VPS35L: variants seen among roughly 807,000 people sequenced by gnomAD.
VPS35L encodes VPS35 endosomal protein sorting factor like, also known as VPS35 endosomal protein-sorting factor-like.
Under a neutral mutation model 133.0 loss-of-function variants are expected in VPS35L, and 83 were observed. That is an observed-to-expected ratio of 0.62 (90% CI 0.52 to 0.75). The LOEUF (loss-of-function observed/expected upper bound fraction) is 0.75, where lower values mean the gene tolerates loss of function less well. VPS35L is among the 30% of genes least tolerant of loss of function. The pLI, the probability that VPS35L is intolerant of heterozygous loss-of-function variation, is 0.00. For synonymous variants in VPS35L, 423 were observed against 449.9 expected (o/e 0.94, Z 0.76); for missense variants, 1,083 against 1,206.8 (o/e 0.90, Z 1.52).
In VPS35L at chr16:19,700,621, T is replaced by C; in HGVS notation, c.*145T>C. Reference sequence around the variant, plus strand: ...ACAAATTGTTTTAAGCTTTGGCCTCTATCCAGGTTATTCTGACAATGAAGA... The same window carrying C: ...ACAAATTGTTTTAAGCTTTGGCCTCCATCCAGGTTATTCTGACAATGAAGA... On this transcript the variant is annotated 3_prime_UTR_variant, in exon 31 of 31. Transcript: ENST00000417362. 1 of 653,348 alleles carries C rather than the reference T, an allele frequency of 1.5e-6. No homozygotes were observed. The highest frequency in any genetic ancestry group is 2.9e-5 in the Admixed American group (1 of 34,130). 40.5% of individuals were successfully genotyped at this position (653,348 alleles called of 1,614,324 possible).
At chr16:19,585,557 A>G (rs2151521621) in intron 7 of VPS35L, among the ~76,000 whole-genome samples, 1 of 151,524 alleles carries the variant, frequency 6.6e-6, no homozygotes, top group Non-Finnish European at 1.5e-5. Context: ...GGCCACAACC[A>G]TGCCCAGTTT....
intron 26 of VPS35L, among the ~76,000 whole-genome samples, chr16:19,665,791 C>T (rs1974644380): frequency 6.6e-6 from 1 of 152,204 alleles, no homozygotes. Flanking sequence ...TTAACATTTG[C>T]ACCAGCAGTG....
At chr16:19,647,939 A>C (rs1974004404) in intron 24 of VPS35L, 57 bp downstream of exon 24, 1 of 1,388,040 alleles carries the variant, frequency 7.2e-7, no homozygotes, top group South Asian at 1.2e-5. Context: ...GATCATCTAC[A>C]TCCCAATCAT....
chr16:19,608,280 C>CCT lies in VPS35L; in HGVS notation c.881+6_881+7insCT. On this transcript the variant is annotated splice_region_variant and intron_variant, in intron 10 of 30. Transcript: ENST00000417362. Reference sequence around the variant, plus strand: ...AGGGAACTCATTCCAAGATTGTATCCTTTTTTTTTTTTTTGGTCTGATGAT... The same window carrying CCT: ...AGGGAACTCATTCCAAGATTGTATCCCTTTTTTTTTTTTTTTGGTCTGATGAT... 7.2e-7 allele frequency: 1 copy of CCT among 1,386,674 alleles called. No individual in the cohort carries two copies. 85.9% of individuals were successfully genotyped at this position (1,386,674 alleles called of 1,614,324 possible). A position where few individuals can be genotyped will look rare whatever the true frequency, so the allele number is the denominator to read the frequency against.
chr16:19,569,193 A>G, intron 2 of VPS35L: 1 of 687,586 alleles, frequency 1.5e-6, no homozygotes, highest in Non-Finnish European at 2.6e-6. Context: ...CTCTCAATTA[A>G]TTTTTTTAAC....
At chr16:19,650,298 A>T in intron 24 of VPS35L, 84 bp from the exon 25 acceptor site, 2 of 1,101,110 alleles carry the variant, frequency 1.8e-6, no homozygotes, top group South Asian at 1.3e-5. Flanking sequence ...ACCTGTATGT[A>T]GTTAATGTTG....
intron 26 of VPS35L, 50 bp from the exon 27 acceptor site, chr16:19,669,110 C>T: frequency 6.5e-7 from 1 of 1,541,906 alleles, no homozygotes; most frequent in South Asian, 1.2e-5. Context: ...AGAAAGCCAA[C>T]TAAATTTCCC....
rs534692707 is a variant in VPS35L at position 19,668,354 on chromosome 16, T to G, written c.2222-806T>G. 3.3e-5 allele frequency among the ~76,000 whole-genome samples: 5 copies of G among 152,204 alleles called. No individual in the cohort carries two copies. In the East Asian group the frequency reaches 7.7e-4, roughly 24 times the overall value. On this transcript the variant is annotated intron_variant, in intron 26 of 30. Transcript: ENST00000417362. ...TCTCACGGTCAATACCTTGGCAGTT[T>G]TAGAAAGAACTTTCACTCCCTCTCC...
intron 23 of VPS35L, among the ~76,000 whole-genome samples, chr16:19,645,479 C>T (rs910529290): frequency 2.0e-5 from 3 of 152,008 alleles, no homozygotes; most frequent in Non-Finnish European, 4.4e-5. Flanking sequence ...TTAGTAGAGA[C>T]GGGGTTTCAC....
intron 28 of VPS35L, among the ~76,000 whole-genome samples, chr16:19,688,343 C>T (rs57406822): frequency 0.062 from 9,499 of 152,202 alleles, 835 homozygotes; most frequent in African/African-American, 0.19. Flanking sequence ...TTCCTCAAGA[C>T]AGTGATGAAT....
intron 27 of VPS35L, among the ~76,000 whole-genome samples, chr16:19,675,473 G>A (rs1036244433): frequency 7.9e-5 from 12 of 152,108 alleles, no homozygotes; most frequent in African/African-American, 2.9e-4. Flanking sequence ...ATTTCAATTT[G>A]TTTGGATATG....
At chr16:19,616,226 A>G in intron 13 of VPS35L, 35 bp downstream of exon 13, 1 of 1,546,918 alleles carries the variant, frequency 6.5e-7, no homozygotes, top group Non-Finnish European at 8.9e-7. Context: ...TCATCGATAT[A>G]ACAGTTCTAT....
chr16:19,561,552 A>G (rs1053656394), intron 1 of VPS35L, among the ~76,000 whole-genome samples: 2 of 152,122 alleles, frequency 1.3e-5, no homozygotes, highest in African/African-American at 4.8e-5. Context: ...AAAGCTGACT[A>G]GTTGCACGGC....
chr16:19,629,164 G>A (rs1477368912), intron 17 of VPS35L, among the ~76,000 whole-genome samples: 1 of 152,136 alleles, frequency 6.6e-6, no homozygotes, highest in South Asian at 2.1e-4. Flanking sequence ...GAACATGGTA[G>A]CTCACACCTA....
chr16:19,582,702 T>C (rs560334788), intron 7 of VPS35L, among the ~76,000 whole-genome samples: 32 of 152,228 alleles, frequency 2.1e-4, no homozygotes, highest in Non-Finnish European at 4.3e-4. Context: ...TGGCAGCATC[T>C]CTCCGTAGAT....
In VPS35L at chr16:19,607,923, A is replaced by G. The variant is rs971297184; in HGVS notation, c.785-255A>G. On this transcript the variant is annotated intron_variant, in intron 9 of 30. Transcript: ENST00000417362. ...ATCTGTAAAATAAGATAATAAAACT[A>G]CGTACCTCAGAGGGTTGCTATATGG... is the stretch of plus-strand genomic sequence containing the variant. 11 of 406,494 alleles carry G rather than the reference A, an allele frequency of 2.7e-5. No homozygotes were observed. In the East Asian group the frequency reaches 4.3e-4, roughly 16 times the overall value. The allele number at this position is 406,494 out of a possible 1,614,324, so 25.2% of individuals were successfully genotyped here.
intron 18 of VPS35L, among the ~76,000 whole-genome samples, chr16:19,632,565 G>A (rs572208427): frequency 3.9e-5 from 6 of 152,278 alleles, no homozygotes; most frequent in Admixed American, 2.6e-4. Flanking sequence ...TCTGCCTTTT[G>A]TATTTTCTAT....
At chr16:19,561,197 T>C (rs7187771) in intron 1 of VPS35L, among the ~76,000 whole-genome samples, 54,615 of 151,718 alleles carry the variant, frequency 0.36, 11,196 homozygotes, top group African/African-American at 0.55. Flanking sequence ...GTGAAACCCC[T>C]ATCTCTACTA....
intron 28 of VPS35L, among the ~76,000 whole-genome samples, chr16:19,683,352 G>A (rs755605241): frequency 1.1e-4 from 16 of 152,162 alleles, no homozygotes; most frequent in Non-Finnish European, 1.9e-4. Context: ...GGAGGTATAC[G>A]TGCAGGTTTG....
Sources: gnomAD v4.1 joint callset for allele counts (sites outside exome capture counted in the v4.1 genomes callset) on GRCh38, gnomAD v4.1.1 for gene constraint, MANE v1.5 for transcripts, NCBI Gene and HGNC (gene_info 2026-07-23, HGNC 2026-07-21) for gene names.